SULT1C3: variants seen among roughly 807,000 people sequenced by gnomAD.
SULT1C3 encodes sulfotransferase family 1C member 3.
In SULT1C3, 31 loss-of-function variants were observed where a neutral mutation model predicts 28.4. That is an observed-to-expected ratio of 1.09 (90% CI 0.82 to 1.47). The LOEUF is 1.47. SULT1C3 is among the 40% of genes most tolerant of loss of function. The pLI is 0.00. For synonymous variants in SULT1C3, 106 were observed against 92.2 expected, an observed-to-expected ratio of 1.15 and a Z score of -0.86; for missense variants, 307 against 272.5, an observed-to-expected ratio of 1.13 and a Z score of -0.89.
intron 2 of SULT1C3, among the ~76,000 whole-genome samples, chr2:108,251,614 G>C (rs746140649): frequency 6.6e-6 from 1 of 151,986 alleles, no homozygotes; most frequent in Non-Finnish European, 1.5e-5. Flanking sequence ...AGAGGAAATA[G>C]AGGAACAAAA....
downstream of SULT1C3, chr2:108,265,342 A>G: frequency 6.2e-7 from 1 of 1,612,800 alleles, no homozygotes; most frequent in Non-Finnish European, 8.5e-7. Context: ...CCTTCCGCAC[A>G]GAGATCTGAG....
intron 7 of SULT1C3, 135 bp downstream of exon 7, chr2:108,259,281 G>T (rs1188430725): frequency 5.1e-6 from 1 of 196,530 alleles, no homozygotes; most frequent in Non-Finnish European, 1.1e-5. Context: ...CCTTCACCCT[G>T]CCTGTTTGCA....
chr2:108,253,399 CT>C lies in SULT1C3; in HGVS notation c.358del (p.Ser120HisfsTer3), dbSNP rs753666259. 7 of 1,578,032 alleles carry C rather than the reference CT, an allele frequency of 4.4e-6. No individual in the cohort carries two copies. In the South Asian group the frequency reaches 7.1e-5, roughly 16 times the overall value. On this transcript the variant is annotated frameshift_variant, in exon 4 of 8. Transcript: ENST00000681802. LOFTEE classifies it high-confidence loss of function. ...SSPQLIKTHL[P>X]SHLIPPSIWK... ...CCACAACTGATAAAAACACATCTCCCTTCACATCTGATTCCACCATCTATCT... is the reference window on the plus strand; with the variant it reads ...CCACAACTGATAAAAACACATCTCCCTCACATCTGATTCCACCATCTATCT...
In SULT1C3 at chr2:108,240,058, G is replaced by T. The variant is rs1675426731; in HGVS notation, c.-33G>T. Reference sequence around the variant, plus strand: ...GCAGTTTGACTAAAGGCAGCAAGCTGCTTCCTCTGCTGCCTGAGATACCAG... The same window carrying T: ...GCAGTTTGACTAAAGGCAGCAAGCTTCTTCCTCTGCTGCCTGAGATACCAG... On this transcript the variant is annotated 5_prime_UTR_variant, in exon 1 of 8. Transcript: ENST00000681802. Among the ~76,000 whole-genome samples, 2 of 152,202 alleles carry T rather than the reference G, an allele frequency of 1.3e-5. No individual in the cohort carries two copies. The highest frequency in any genetic ancestry group is 2.9e-5 in the Non-Finnish European group (2 of 68,046).
intron 1 of SULT1C3, among the ~76,000 whole-genome samples, chr2:108,246,819 A>G (rs1026400300): frequency 6.6e-6 from 1 of 152,200 alleles, no homozygotes. Context: ...GCAATATATG[A>G]CACATAACCC....
chr2:108,253,480 G>T (rs1194247137), intron 4 of SULT1C3, 38 bp downstream of exon 4: 2 of 1,154,298 alleles, frequency 1.7e-6, no homozygotes, highest in East Asian at 5.1e-5. Flanking sequence ...TCTTAGCTTG[G>T]TGATATAAAC....
chr2:108,240,262 G>T (rs1455250010), intron 1 of SULT1C3, among the ~76,000 whole-genome samples, 179 bp downstream of exon 1: 1 of 152,246 alleles, frequency 6.6e-6, no homozygotes, highest in Non-Finnish European at 1.5e-5. Context: ...TGCATCTTCA[G>T]ATGGTATTGG....
intron 5 of SULT1C3, among the ~76,000 whole-genome samples, chr2:108,256,368 T>C (rs1204274996): frequency 6.6e-6 from 1 of 152,110 alleles, no homozygotes; most frequent in East Asian, 1.9e-4. Flanking sequence ...AGAAGAAAGA[T>C]AAGATGGCTA....
chr2:108,264,874 T>G (rs1676097000), downstream of SULT1C3: 2 of 1,613,736 alleles, frequency 1.2e-6, no homozygotes, highest in East Asian at 4.5e-5. Context: ...GAAAAAGACA[T>G]ATCAGAGGAA....
chr2:108,255,760 G>A (rs1675853296), intron 5 of SULT1C3, 62 bp downstream of exon 5: 2 of 1,548,696 alleles, frequency 1.3e-6, no homozygotes, highest in Non-Finnish European at 1.7e-6. Context: ...AAGCACCTCT[G>A]TAAACTGGAG....
downstream of SULT1C3, chr2:108,264,921 G>A (rs1368602756): frequency 6.2e-7 from 1 of 1,613,932 alleles, no homozygotes; most frequent in Admixed American, 1.7e-5. Flanking sequence ...CTCCTTTGAT[G>A]TAATGAAGCA....
intron 1 of SULT1C3, among the ~76,000 whole-genome samples, chr2:108,245,064 C>G: frequency 6.6e-6 from 1 of 152,148 alleles, no homozygotes; most frequent in East Asian, 1.9e-4. Flanking sequence ...TCCTTCCTTT[C>G]GGTATTGTGA....
At chr2:108,252,045 A>G (rs1573219450) in intron 2 of SULT1C3, among the ~76,000 whole-genome samples, 1 of 147,746 alleles carries the variant, frequency 6.8e-6, no homozygotes, top group Admixed American at 6.7e-5. Flanking sequence ...CTAAAAGATG[A>G]TAGATAGATA....
At chr2:108,240,694 A>T (rs1675443778) in intron 1 of SULT1C3, among the ~76,000 whole-genome samples, 1 of 152,224 alleles carries the variant, frequency 6.6e-6, no homozygotes, top group African/African-American at 2.4e-5. Flanking sequence ...GATTCACAGG[A>T]ATAAGCAGGG....
At chr2:108,261,528 A>G (rs1308364551), downstream of SULT1C3, among the ~76,000 whole-genome samples, 1 of 152,138 alleles carries the variant, frequency 6.6e-6, no homozygotes. Context: ...GGTTTTTTAT[A>G]TGACCAAGTA....
chr2:108,251,620 C>T (rs1675727708), intron 2 of SULT1C3, among the ~76,000 whole-genome samples: 1 of 151,874 alleles, frequency 6.6e-6, no homozygotes, highest in African/African-American at 2.4e-5. Context: ...AATAGAGGAA[C>T]AAAAATGTAC....
At chr2:108,247,563 C>T (rs868450494) in intron 2 of SULT1C3, among the ~76,000 whole-genome samples, 197 bp downstream of exon 2, 1 of 152,062 alleles carries the variant, frequency 6.6e-6, no homozygotes. Flanking sequence ...CTGAAGAGAA[C>T]AGAAAAGATT....
At chr2:108,248,023 G>C (rs1054894999) in intron 2 of SULT1C3, among the ~76,000 whole-genome samples, 1 of 152,200 alleles carries the variant, frequency 6.6e-6, no homozygotes, top group African/African-American at 2.4e-5. Context: ...CTTGGGAATA[G>C]AATATGCAAG....
intron 2 of SULT1C3, among the ~76,000 whole-genome samples, chr2:108,251,846 A>T (rs1010925100): frequency 6.6e-6 from 1 of 152,032 alleles, no homozygotes; most frequent in Non-Finnish European, 1.5e-5. Context: ...ATACAATGGA[A>T]AAAAATTAAC....
Sources: allele counts gnomAD v4.1 joint callset (sites outside exome capture counted in the v4.1 genomes callset), GRCh38; gene constraint gnomAD v4.1.1; transcripts MANE v1.5; gene names NCBI Gene and HGNC (gene_info 2026-07-23, HGNC 2026-07-21).